Variants in RNF213 observed in about 807,000 individuals in gnomAD.
RNF213 encodes the protein E3 ubiquitin-protein ligase RNF213.
RNF213 carries 341 observed loss-of-function variants against 514.4 expected under a neutral mutation model. That is an observed-to-expected ratio of 0.66 (90% CI 0.61 to 0.73). RNF213 has a LOEUF of 0.73. RNF213 is among the 30% of genes least tolerant of loss of function. The pLI, the probability that RNF213 is intolerant of heterozygous loss-of-function variation, is 0.00. For missense variants in RNF213, 5,767 were observed against 6,615.6 expected, an observed-to-expected ratio of 0.87 and a Z score of 4.45; for synonymous variants, 2,655 against 2,658.2, an observed-to-expected ratio of 1.00 and a Z score of 0.04.
Position 80,345,245 on chromosome 17 carries a change from C to G in RNF213, c.6910C>G (p.Pro2304Ala). 3 of 1,614,076 alleles carry G rather than the reference C, an allele frequency of 1.9e-6. No individual in the cohort carries two copies. The highest frequency in any genetic ancestry group is 2.5e-6 in the Non-Finnish European group (3 of 1,179,998). The stretch of plus-strand genomic sequence containing the variant: ...GAAGAGGTGGGAGTCGGAGCCTCAC[C>G]CATACGTTTTCTTCAATGACGACCA... The part of the protein sequence containing the change: ...LRKRWESEPH[P>A]YVFFNDDHTT... The change falls in exon 29 of 68, where the codon CCA (proline) becomes GCA (alanine). Residue 2304 changes from proline (P) to alanine (A), a missense_variant. Pro to Ala is a conservative substitution (Grantham distance 27). Coordinates refer to ENST00000582970, the MANE Select transcript of RNF213 (RefSeq NM_001256071.3). The surrounding 1 kb of genome is among the most constrained non-coding windows in gnomAD (Gnocchi z 6.0).
chr17:80,300,989 GT>G (rs1214382894), intron 11 of RNF213, among the ~76,000 whole-genome samples: 23 of 151,182 alleles, frequency 1.5e-4, no homozygotes, highest in African/African-American at 4.9e-4. Context: ...GAGGTTGCTT[GT>G]TTTTTTTTCT....
intron 2 of RNF213, among the ~76,000 whole-genome samples, chr17:80,272,292 T>A (rs993258815): frequency 3.3e-5 from 5 of 151,972 alleles, no homozygotes; most frequent in South Asian, 2.1e-4. Flanking sequence ...TCAAAAAAAA[T>A]AATAAAATAA....
At chr17:80,358,266 C>T in intron 36 of RNF213, 22 bp from the exon 37 acceptor site, 1 of 1,612,250 alleles carries the variant, frequency 6.2e-7, no homozygotes, top group Non-Finnish European at 8.5e-7. Context: ...CCGTGGTGGC[C>T]CATCTCTCTT....
intron 17 of RNF213, chr17:80,319,919 G>A (rs2046082429): frequency 4.7e-6 from 5 of 1,057,462 alleles, no homozygotes; most frequent in Non-Finnish European, 5.7e-6. Flanking sequence ...GGGAAGTCCA[G>A]AAACATTGAG....
chr17:80,352,211 A>AC, intron 32 of RNF213: 1 of 209,058 alleles, frequency 4.8e-6, no homozygotes, highest in Non-Finnish European at 9.8e-6. Context: ...TCTGTGTTGT[A>AC]CAGTCTGAAA....
chr17:80,317,511 G>C lies in RNF213; in HGVS notation c.2901+234G>C, dbSNP rs1358215773. On this transcript the variant is annotated intron_variant, in intron 16 of 67. Coordinates refer to ENST00000582970, the MANE Select transcript of RNF213 (RefSeq NM_001256071.3). The surrounding 1 kb of genome is among the most constrained non-coding windows in gnomAD (Gnocchi z 4.1). ...CAAGGGCCCAGGATCTCACCATCATGGGGGTGCGGGATTTTTCCTGACCCC... is the reference window on the plus strand; with the variant it reads ...CAAGGGCCCAGGATCTCACCATCATCGGGGTGCGGGATTTTTCCTGACCCC... Among the ~76,000 whole-genome samples, 1 of 152,174 alleles carries C rather than the reference G, an allele frequency of 6.6e-6. No individual in the cohort carries two copies. The highest frequency in any genetic ancestry group is 2.4e-5 in the African/African-American group (1 of 41,436).
intron 55 of RNF213, among the ~76,000 whole-genome samples, chr17:80,380,407 C>CT (rs1395909799): frequency 6.6e-6 from 1 of 152,184 alleles, no homozygotes; most frequent in African/African-American, 2.4e-5. Flanking sequence ...ACTGCATCTC[C>CT]TCTCTGCCGG....
chr17:80,360,030 C>T (rs773991295), intron 37 of RNF213, 31 bp from the exon 38 acceptor site: 3 of 1,612,620 alleles, frequency 1.9e-6, no homozygotes, highest in Admixed American at 1.7e-5. Context: ...TCTCACAAAC[C>T]CTCTTCTTAT....
rs372093859 is a variant in RNF213 at position 80,373,152 on chromosome 17, T to C, written c.12929T>C (p.Val4310Ala). ...RPHQWVFPKD[V>A]VKQQGLRQDH... Reference sequence around the variant, plus strand: ...CACCAGTGGGTGTTTCCCAAGGACGTTGTCAAGCAGCAGGTGAGAAGCGGG... The same window carrying C: ...CACCAGTGGGTGTTTCCCAAGGACGCTGTCAAGCAGCAGGTGAGAAGCGGG... Residue 4310 changes from valine to alanine, a missense_variant, in exon 49 of 68, where the codon GTT (valine) becomes GCT (alanine). Val to Ala is a moderately conservative substitution (Grantham distance 64). Transcript: ENST00000582970. 13 of 1,611,002 alleles carry C rather than the reference T, an allele frequency of 8.1e-6. 1 individual carries two copies. Among genetic ancestry groups the C allele is most frequent in the Admixed American group, 6.7e-5 (4 of 59,952 alleles).
In RNF213 at chr17:80,339,572, C is replaced by G; in HGVS notation, c.5205C>G (p.Asn1735Lys). The G allele has an allele frequency of 1.3e-6, 2 of 1,537,214 alleles. No individual in the cohort carries two copies. The highest frequency in any genetic ancestry group is 1.7e-6 in the Non-Finnish European group (2 of 1,146,876). The part of the protein sequence containing the change: ...ALTMLSFIKS[N>K]CTLRDVLRAS... ...CGATGCTATCCTTCATCAAAAGCAA[C>G]TGCACCCTGAGGGATGTCTTAAGGG... Residue 1735 changes from asparagine (N) to lysine (K), a missense_variant, in exon 26 of 68, where the codon AAC (asparagine) becomes AAG (lysine). Physicochemically the swap from Asn to Lys is moderately conservative, Grantham distance 94. Coordinates refer to ENST00000582970, the MANE Select transcript of RNF213 (RefSeq NM_001256071.3).
intron 20 of RNF213, among the ~76,000 whole-genome samples, chr17:80,331,687 C>T (rs1599038664): frequency 1.3e-5 from 2 of 152,198 alleles, no homozygotes; most frequent in African/African-American, 4.8e-5. Context: ...GCCACTGCGC[C>T]CAACTAGTTT....
intron 2 of RNF213, among the ~76,000 whole-genome samples, chr17:80,269,690 T>A (rs2043752295): frequency 6.6e-6 from 1 of 152,134 alleles, no homozygotes; most frequent in Admixed American, 6.6e-5. Context: ...CTGTTCTATC[T>A]ATGTATCTAT....
intron 23 of RNF213, chr17:80,336,946 A>G (rs2078003066): frequency 5.1e-6 from 1 of 197,360 alleles, no homozygotes; most frequent in African/African-American, 2.4e-5. Context: ...AAGTTTAAGT[A>G]AACTACCTGT....
At chr17:80,287,547 G>T (rs2143210393) in intron 3 of RNF213, among the ~76,000 whole-genome samples, 1 of 152,328 alleles carries the variant, frequency 6.6e-6, no homozygotes, top group South Asian at 2.1e-4. Context: ...TGTCCAATAA[G>T]CAGTGAGCCC....
At position 80,332,318 on chromosome 17, in the gene RNF213, A is replaced by C; in HGVS notation, c.3830A>C (p.Tyr1277Ser). 1 of 1,537,238 alleles carries C rather than the reference A, an allele frequency of 6.5e-7. No individual in the cohort carries two copies. Among genetic ancestry groups the C allele is most frequent in the Non-Finnish European group, 8.7e-7 (1 of 1,146,912 alleles). Residue 1277 changes from tyrosine (Y) to serine (S), a missense_variant, in exon 21 of 68, where the codon TAT becomes TCT. Physicochemically the swap from Tyr to Ser is moderately radical, Grantham distance 144. This residue lies in a region of RNF213 where 516 missense variants were observed against 566.5 expected (regional missense o/e 0.91). Coordinates refer to ENST00000582970, the MANE Select transcript of RNF213 (RefSeq NM_001256071.3). ...CTTGAGCTTGAAGAGGTGTATGACT[A>C]TTTGTATCAGCCTTCTTACAGAAAG... ...HILELEEVYD[Y>S]LYQPSYRKFI... is the part of the protein sequence containing the mutation.
rs753072619 is a variant in RNF213, at chr17:80,289,836, A to C, written c.1111A>C (p.Ser371Arg). 1 of 1,607,810 alleles carries C rather than the reference A, an allele frequency of 6.2e-7. No homozygotes were observed. The highest frequency in any genetic ancestry group is 8.5e-7 in the Non-Finnish European group (1 of 1,177,506). ...QEADVQEVKASTLSPGGGVTV... is the reference protein window; with the variant it reads ...QEADVQEVKARTLSPGGGVTV... Reference sequence around the variant, plus strand: ...AGCAGATGTCCAGGAAGTGAAGGCAAGGTAGGGATGCCCCCGCAGGGGAGC... The same window carrying C: ...AGCAGATGTCCAGGAAGTGAAGGCACGGTAGGGATGCCCCCGCAGGGGAGC... Residue 371 changes from serine to arginine, a missense_variant and splice_region_variant, in exon 6 of 68, where the codon AGC becomes CGC. Physicochemically the swap from Ser to Arg is moderately radical, Grantham distance 110 (BLOSUM62 -1). Coordinates refer to ENST00000582970, the MANE Select transcript of RNF213 (RefSeq NM_001256071.3).
rs761300590 is a variant in RNF213 at position 80,353,684 on chromosome 17, G to A, written c.10578+18G>A. ...GCAGTGATGTAAGTTCTGGTTCTTG[G>A]GACCTCCCCTTGTGCTGCTGGTGAT... On this transcript the variant is annotated intron_variant, in intron 34 of 67. Coordinates refer to ENST00000582970, the MANE Select transcript of RNF213 (RefSeq NM_001256071.3). This position sits in a 1 kb window ranked among gnomAD's most constrained non-coding sequence, Gnocchi z 5.0. The A allele has an allele frequency of 6.8e-6, 11 of 1,614,006 alleles. 1 individual carries two copies. The South Asian group carries it at 1.1e-4, about 16-fold the overall frequency.
chr17:80,358,344 T>TC lies in RNF213; in HGVS notation c.10919_10920insC (p.Ser3641IlefsTer31). Reference sequence around the variant, plus strand: ...GTCACCCCTCTGCTGGCGAGCATGATATCATTCATCGACAGAGACGGCAAC... The same window carrying TC: ...GTCACCCCTCTGCTGGCGAGCATGATCATCATTCATCGACAGAGACGGCAAC... On this transcript the variant is annotated frameshift_variant, in exon 37 of 68. Transcript: ENST00000582970. LOFTEE classifies it high-confidence loss of function. 6.2e-7 allele frequency: 1 copy of TC among 1,614,168 alleles called. No homozygotes were observed. Among genetic ancestry groups the TC allele is most frequent in the Non-Finnish European group, 8.5e-7 (1 of 1,180,028 alleles).
At position 80,372,078 on chromosome 17, in the gene RNF213, T is replaced by A; in HGVS notation, c.12537+93T>A. On this transcript the variant is annotated intron_variant, in intron 47 of 67. Transcript: ENST00000582970. The stretch of plus-strand genomic sequence containing the variant: ...AGAATATAATTTTAGTCAGTATAAT[T>A]AACGAATGCTCTGTTCCGTGCAGAA... 6.4e-6 allele frequency: 5 copies of A among 787,314 alleles called. No individual in the cohort carries two copies. In the South Asian group the frequency reaches 7.1e-5, roughly 11 times the overall value. The allele number at this position is 787,314 out of a possible 1,614,324, so 48.8% of individuals were successfully genotyped here.
Sources: gnomAD v4.1 joint callset for allele counts (sites outside exome capture counted in the v4.1 genomes callset) on GRCh38, gnomAD v4.1.1 for gene constraint, gnomAD v4.1.1 regional missense constraint, Gnocchi (gnomAD v3.1) non-coding constraint, MANE v1.5 for transcripts, NCBI Gene and HGNC (gene_info 2026-07-23, HGNC 2026-07-21) for gene names.